TAF1B: variants seen among roughly 807,000 people sequenced by gnomAD.
TAF1B encodes the protein TATA box-binding protein-associated factor RNA polymerase I subunit B.
TAF1B carries 61 observed loss-of-function variants against 83.9 expected under a neutral mutation model. That is an observed-to-expected ratio of 0.73 (90% CI 0.59 to 0.90). The LOEUF is 0.90. Among genes scored for constraint, TAF1B ranks in the 40% least tolerant of loss-of-function variants. The pLI, the probability that TAF1B is intolerant of heterozygous loss-of-function variation, is 0.00. For missense variants in TAF1B, 625 were observed against 677.0 expected (o/e 0.92, Z 0.85); for synonymous variants, 221 against 224.6 (o/e 0.98, Z 0.14).
At chr2:9,858,485 C>T (rs1047126678) in intron 5 of TAF1B, among the ~76,000 whole-genome samples, 1 of 152,382 alleles carries the variant, frequency 6.6e-6, no homozygotes, top group African/African-American at 2.4e-5. Flanking sequence ...TGGCCCTCTT[C>T]TCACAGCTCC....
intron 14 of TAF1B, among the ~76,000 whole-genome samples, chr2:9,930,338 A>T (rs568865830): frequency 6.6e-6 from 1 of 152,116 alleles, no homozygotes; most frequent in African/African-American, 2.4e-5. Flanking sequence ...CCCTCTACAC[A>T]CTGCTTTAAA....
At chr2:9,911,490 T>C in intron 10 of TAF1B, 21 bp from the exon 11 acceptor site, 1 of 1,493,646 alleles carries the variant, frequency 6.7e-7, no homozygotes, top group Non-Finnish European at 9.0e-7. Context: ...AATAAATTGA[T>C]TTGTTTATTG....
intron 14 of TAF1B, among the ~76,000 whole-genome samples, chr2:9,920,991 C>T (rs906512167): frequency 1.6e-4 from 25 of 152,182 alleles, no homozygotes; most frequent in African/African-American, 5.6e-4. Flanking sequence ...CATACTGGCT[C>T]TTAGACTTCC....
At chr2:9,856,176 C>G (rs1321369701) in intron 5 of TAF1B, among the ~76,000 whole-genome samples, 1 of 151,910 alleles carries the variant, frequency 6.6e-6, no homozygotes, top group Non-Finnish European at 1.5e-5. Context: ...CCTCTGAGCT[C>G]CTTCAGTATC....
intron 8 of TAF1B, among the ~76,000 whole-genome samples, chr2:9,884,214 G>C (rs423651): frequency 0.28 from 42,445 of 152,156 alleles, 6,916 homozygotes; most frequent in Middle Eastern, 0.4. Flanking sequence ...TGGCATTGGG[G>C]AACACGGTGG....
intron 8 of TAF1B, among the ~76,000 whole-genome samples, chr2:9,886,861 T>C (rs1377038241): frequency 6.6e-6 from 1 of 152,182 alleles, no homozygotes; most frequent in African/African-American, 2.4e-5. Flanking sequence ...GGTCAGGAGA[T>C]TGAGACCATC....
intron 4 of TAF1B, among the ~76,000 whole-genome samples, chr2:9,852,329 T>C (rs1663423971): frequency 6.6e-6 from 1 of 152,290 alleles, no homozygotes; most frequent in East Asian, 1.9e-4. Flanking sequence ...CTAGTAAAAG[T>C]CATTTAAGGA....
At chr2:9,886,819 C>T (rs541312385) in intron 8 of TAF1B, among the ~76,000 whole-genome samples, 1 of 152,314 alleles carries the variant, frequency 6.6e-6, no homozygotes, top group African/African-American at 2.4e-5. Flanking sequence ...GTAATCCCAG[C>T]ACTTTGGGAG....
chr2:9,874,451 T>C (rs1410914929), intron 6 of TAF1B, among the ~76,000 whole-genome samples: 1 of 152,166 alleles, frequency 6.6e-6, no homozygotes, highest in African/African-American at 2.4e-5. Context: ...TAATTTTTTT[T>C]TTTTTAGAGA....
At chr2:9,920,962 TTAA>T (rs1665860512) in intron 14 of TAF1B, among the ~76,000 whole-genome samples, 2 of 152,228 alleles carry the variant, frequency 1.3e-5, no homozygotes, top group Admixed American at 1.3e-4. Context: ...TCAGGTTTAA[TTAA>T]TGATCGGCTC....
intron 10 of TAF1B, 40 bp downstream of exon 10, chr2:9,910,953 G>A (rs1665515725): frequency 5.2e-6 from 8 of 1,539,402 alleles, no homozygotes; most frequent in East Asian, 2.3e-5. Flanking sequence ...ACATTTTATG[G>A]TGCTGATCTT....
chr2:9,909,253 G>A (rs72782689), intron 9 of TAF1B, among the ~76,000 whole-genome samples: 2,550 of 152,312 alleles, frequency 0.017, 28 homozygotes, highest in Non-Finnish European at 0.026. Flanking sequence ...GTTTAAGAGG[G>A]AAACAGAAAG....
rs1471738098 is a variant in TAF1B at position 9,919,081 on chromosome 2, G to T, written c.1312G>T (p.Val438Phe). 1.2e-6 allele frequency: 2 copies of T among 1,613,950 alleles called. No homozygotes were observed. Among genetic ancestry groups the T allele is most frequent in the Non-Finnish European group, 1.7e-6 (2 of 1,180,020 alleles). ...TGAAAAGCCACTCTACTACTCATTT[G>T]TCGACAAACCAGTAGCATATAAAAA... ...KSEKPLYYSF[V>F]DKPVAYKKRE... Residue 438 changes from valine (V) to phenylalanine (F), a missense_variant, in exon 13 of 15, where the codon GTC becomes TTC. By Grantham distance (50) the Val-to-Phe change is conservative. Transcript: ENST00000263663.
chr2:9,899,447 T>C (rs887950931), intron 8 of TAF1B, among the ~76,000 whole-genome samples: 31 of 152,220 alleles, frequency 2.0e-4, no homozygotes, highest in Admixed American at 5.2e-4. Context: ...ATATAAAATA[T>C]ATATACATTT....
chr2:9,873,661 T>C (rs1219479337), intron 6 of TAF1B, among the ~76,000 whole-genome samples: 2 of 150,174 alleles, frequency 1.3e-5, no homozygotes, highest in African/African-American at 4.9e-5. Context: ...CTTGTCTTGG[T>C]AAATGGCAAT....
intron 14 of TAF1B, among the ~76,000 whole-genome samples, chr2:9,928,914 G>A (rs1666125897): frequency 6.6e-6 from 1 of 152,168 alleles, no homozygotes; most frequent in Admixed American, 6.5e-5. Context: ...GGAGTGGTGA[G>A]AGAGGGCATC....
rs112859876 is a variant in TAF1B, at chr2:9,934,234, A to G, written c.*250A>G. ...AAACAATAGCAAATTGTATAATTGT[A>G]TCCAGAAATGTATACTCATCGTATT... On this transcript the variant is annotated 3_prime_UTR_variant, in exon 15 of 15. Coordinates refer to ENST00000263663, the MANE Select transcript of TAF1B (RefSeq NM_005680.3). 692 of 354,342 alleles carry G rather than the reference A, an allele frequency of 2.0e-3. 8 individuals carry two copies. The highest frequency in any genetic ancestry group is 0.013 in the African/African-American group (622 of 48,626). The allele number at this position is 354,342 out of a possible 1,614,324, so 21.9% of individuals were successfully genotyped here.
At chr2:9,862,298 G>A (rs1479961929) in intron 5 of TAF1B, among the ~76,000 whole-genome samples, 1 of 152,192 alleles carries the variant, frequency 6.6e-6, no homozygotes, top group Non-Finnish European at 1.5e-5. Flanking sequence ...CGTGAGGAAT[G>A]CACAGTCCTC....
rs1447408055 is a variant in TAF1B, at chr2:9,854,497, A to C, written c.399+76A>C. On this transcript the variant is annotated intron_variant, in intron 5 of 14. Transcript: ENST00000263663. The stretch of plus-strand genomic sequence containing the variant: ...TAGAGATGAAGATGGGTTCATGACC[A>C]GTTTGAGTATCTGAGATTATGATGC... 8.7e-6 allele frequency: 9 copies of C among 1,029,906 alleles called. 1 individual carries two copies. Among genetic ancestry groups the C allele is most frequent in the East Asian group, 4.9e-5 (2 of 40,788 alleles). The allele number at this position is 1,029,906 out of a possible 1,614,324, so 63.8% of individuals were successfully genotyped here. A position where few individuals can be genotyped will look rare whatever the true frequency, so the allele number is the denominator to read the frequency against.
Sources: allele counts gnomAD v4.1 joint callset (sites outside exome capture counted in the v4.1 genomes callset), GRCh38; gene constraint gnomAD v4.1.1; transcripts MANE v1.5; gene names NCBI Gene and HGNC (gene_info 2026-07-23, HGNC 2026-07-21).